The following STON2 variants were observed in gnomAD, a reference collection of about 807,000 sequenced individuals.
STON2 encodes stonin 2.
In STON2, 29 loss-of-function variants were observed where a neutral mutation model predicts 65.7. The observed-to-expected ratio is 0.44, with a 90% CI of 0.33 to 0.60. STON2 has a LOEUF of 0.60. Among genes scored for constraint, STON2 ranks in the 20% least tolerant of loss-of-function variants. STON2 has a pLI of 0.03. For missense variants in STON2, 1,054 were observed against 1,118.1 expected (o/e 0.94, Z 0.82); for synonymous variants, 404 against 414.2 (o/e 0.98, Z 0.30).
At chr14:81,268,960 G>T (rs1225443584) in intron 7 of STON2, among the ~76,000 whole-genome samples, 1 of 152,114 alleles carries the variant, frequency 6.6e-6, no homozygotes, top group Non-Finnish European at 1.5e-5. Context: ...TCAAATGAAT[G>T]AATTTCTTTG....
In STON2 at chr14:81,436,415, G is replaced by T. The variant is rs1323629948; in HGVS notation, c.-404C>A. The T allele has an allele frequency of 2.0e-5, 3 of 151,598 alleles. 1 individual carries two copies. The highest frequency in any genetic ancestry group is 6.6e-5 in the Admixed American group (1 of 15,202). The allele number at this position is 151,598 out of a possible 1,614,324, so 9.4% of individuals were successfully genotyped here. ...CGCGGGATACCCACCCGGCCGCACTGCTCTCGCCACGATCCCTCCCGGCCG... is the reference window on the plus strand; with the variant it reads ...CGCGGGATACCCACCCGGCCGCACTTCTCTCGCCACGATCCCTCCCGGCCG... On this transcript the variant is annotated 5_prime_UTR_variant, in exon 1 of 9. Coordinates refer to the STON2 transcript ENST00000553821.
rs574359079 is a variant in STON2 at position 81,365,411 on chromosome 14, T to C, written c.571+5577A>G. Among the ~76,000 whole-genome samples, 6 of 152,316 alleles carry C rather than the reference T, an allele frequency of 3.9e-5. No individual in the cohort carries two copies. The East Asian group carries it at 1.2e-3, about 29-fold the overall frequency. ...CCAGTCTTGACATCCTCAGCTTACA[T>C]ATATCTGAGCATTCTAATCCTACAC... is the stretch of plus-strand genomic sequence containing the variant. On this transcript the variant is annotated intron_variant, in intron 4 of 7. Coordinates refer to ENST00000614646, the MANE Select transcript of STON2 (RefSeq NM_001394390.1).
At chr14:81,287,256 T>G (rs1895369546) in intron 5 of STON2, among the ~76,000 whole-genome samples, 2 of 152,200 alleles carry the variant, frequency 1.3e-5, no homozygotes, top group Admixed American at 1.3e-4. Flanking sequence ...AAGTCTACGC[T>G]GGGACCTACT....
intron 5 of STON2, among the ~76,000 whole-genome samples, chr14:81,296,804 T>C (rs1348943812): frequency 2.0e-5 from 3 of 152,194 alleles, no homozygotes; most frequent in Non-Finnish European, 4.4e-5. Flanking sequence ...CAAGTCAGCA[T>C]GCATTTGATA....
At chr14:81,379,732 C>T (rs1392574085) in intron 3 of STON2, among the ~76,000 whole-genome samples, 1 of 152,138 alleles carries the variant, frequency 6.6e-6, no homozygotes, top group Non-Finnish European at 1.5e-5. Context: ...CCAACAATAA[C>T]AAGCAATGGG....
At position 81,264,596 on chromosome 14, in the gene STON2, A is replaced by G; in HGVS notation, c.*3818T>C. On this transcript the variant is annotated 3_prime_UTR_variant, in exon 8 of 8. Coordinates refer to ENST00000614646, the MANE Select transcript of STON2 (RefSeq NM_001394390.1). ...CCATTTATCAGAAACATAAGTTTCT[A>G]GGGAAATAAACTCTTACTCCCAGCC... 1.0e-6 allele frequency: 1 copy of G among 984,994 alleles called. No individual in the cohort carries two copies. The highest frequency in any genetic ancestry group is 1.7e-5 in the African/African-American group (1 of 57,364). 61.0% of individuals were successfully genotyped at this position (984,994 alleles called of 1,614,324 possible).
At chr14:81,387,676 A>T (rs1899879656) in intron 3 of STON2, among the ~76,000 whole-genome samples, 1 of 151,734 alleles carries the variant, frequency 6.6e-6, no homozygotes, top group Non-Finnish European at 1.5e-5. Context: ...ATCACCCACC[A>T]GAGGTCAGGA....
At chr14:81,281,805 A>T (rs1014059746) in intron 5 of STON2, among the ~76,000 whole-genome samples, 13 of 152,198 alleles carry the variant, frequency 8.5e-5, no homozygotes, top group Non-Finnish European at 5.9e-5. Flanking sequence ...TACAAATTAA[A>T]CAAGTGTCTT....
At chr14:81,384,974 T>G (rs1274253558) in intron 3 of STON2, among the ~76,000 whole-genome samples, 13 of 152,180 alleles carry the variant, frequency 8.5e-5, no homozygotes, top group Admixed American at 3.9e-4. Context: ...CTCCCAGGAC[T>G]AGCTCAGAGG....
chr14:81,338,620 A>T (rs938387281), intron 4 of STON2, among the ~76,000 whole-genome samples: 1 of 152,240 alleles, frequency 6.6e-6, no homozygotes, highest in Non-Finnish European at 1.5e-5. Context: ...ACAACCTACT[A>T]CAAGCAACTG....
Position 81,279,924 on chromosome 14 carries a change from T to G in STON2, c.743-1185A>C, listed in dbSNP as rs1274854676. On this transcript the variant is annotated intron_variant, in intron 5 of 7. Coordinates refer to ENST00000614646, the MANE Select transcript of STON2 (RefSeq NM_001394390.1). Reference sequence around the variant, plus strand: ...ATAAATCTAAATTATGAACCAAGTTTGAAGAACAGAGATGTCCATTTTGGC... The same window carrying G: ...ATAAATCTAAATTATGAACCAAGTTGGAAGAACAGAGATGTCCATTTTGGC... 2.6e-5 allele frequency among the ~76,000 whole-genome samples: 4 copies of G among 152,186 alleles called. No homozygotes were observed. In the East Asian group the frequency reaches 7.7e-4, roughly 29 times the overall value.
chr14:81,435,281 T>C (rs918058016), intron 1 of STON2, among the ~76,000 whole-genome samples: 1 of 152,090 alleles, frequency 6.6e-6, no homozygotes, highest in African/African-American at 2.4e-5. Context: ...TCCTTTCAAG[T>C]GTAGAAAGCT....
At chr14:81,400,554 C>G (rs2140450860), upstream of STON2, among the ~76,000 whole-genome samples, 1 of 147,840 alleles carries the variant, frequency 6.8e-6, no homozygotes, top group South Asian at 2.2e-4. Context: ...ATGGGGAAAA[C>G]ATCCTGCCAA....
intron 3 of STON2, among the ~76,000 whole-genome samples, chr14:81,392,642 T>C (rs1877997382): frequency 6.6e-6 from 1 of 152,216 alleles, no homozygotes; most frequent in Non-Finnish European, 1.5e-5. Context: ...TTTTAAAAAA[T>C]AATTTTAAAA....
At chr14:81,371,223 A>ATAGTTGTACT (rs1467899603) in intron 3 of STON2, 38 bp from the exon 4 acceptor site, 6 of 1,575,954 alleles carry the variant, frequency 3.8e-6, no homozygotes, top group Non-Finnish European at 5.2e-6. Context: ...TACAATATAA[A>ATAGTTGTACT]TAGTTGTACT....
At chr14:81,396,566 G>C (rs1900334163) in intron 2 of STON2, among the ~76,000 whole-genome samples, 1 of 152,204 alleles carries the variant, frequency 6.6e-6, no homozygotes, top group Admixed American at 6.5e-5. Context: ...GGCTGAACAA[G>C]AGCACTTCTG....
upstream of STON2, among the ~76,000 whole-genome samples, chr14:81,405,030 A>T (rs927482165): frequency 6.6e-6 from 1 of 151,834 alleles, no homozygotes; most frequent in African/African-American, 2.4e-5. Flanking sequence ...TTTATCTTTC[A>T]TTTTCAGCAA....
chr14:81,423,282 T>G lies in STON2; in HGVS notation c.-199+3820A>C, dbSNP rs547296247. Among the ~76,000 whole-genome samples the G allele has an allele frequency of 6.6e-4, 100 of 152,224 alleles. 2 individuals carry two copies. The highest frequency in any genetic ancestry group is 3.5e-3 in the South Asian group (17 of 4,818). ...TGGTTCTTAGCCTTTAAACAAAAAA[T>G]TATAGCTCTCTGAATCTCTTTGAGT... On this transcript the variant is annotated intron_variant, in intron 2 of 8. Transcript: ENST00000553821.
chr14:81,425,848 T>C (rs1159010413), intron 2 of STON2, among the ~76,000 whole-genome samples: 1 of 152,230 alleles, frequency 6.6e-6, no homozygotes, highest in Admixed American at 6.5e-5. Flanking sequence ...CTCTGGCATA[T>C]GTGTATAGTT....
Sources: allele counts gnomAD v4.1 joint callset (sites outside exome capture counted in the v4.1 genomes callset), GRCh38; gene constraint gnomAD v4.1.1; transcripts MANE v1.5; gene names NCBI Gene and HGNC (gene_info 2026-07-23, HGNC 2026-07-21).